Variants in FBXO8 observed in about 807,000 individuals in gnomAD.
The protein encoded by FBXO8 is F-box protein 8.
In FBXO8, 15 loss-of-function variants were observed where a neutral mutation model predicts 33.4. The ratio of observed to expected loss-of-function variants is 0.45; its 90% CI spans 0.30 to 0.69. The LOEUF (loss-of-function observed/expected upper bound fraction) is 0.69. Among genes scored for constraint, FBXO8 ranks in the 30% least tolerant of loss-of-function variants. The pLI is 0.08. For synonymous variants in FBXO8, 132 were observed against 131.5 expected (o/e 1.00, Z -0.02); for missense variants, 274 against 380.3 (o/e 0.72, Z 2.32).
intron 1 of FBXO8, among the ~76,000 whole-genome samples, chr4:174,268,583 C>G (rs1736752391): frequency 6.8e-6 from 1 of 146,160 alleles, no homozygotes; most frequent in Non-Finnish European, 1.5e-5. Context: ...CTACAGGCGC[C>G]TGCTACCACG....
At chr4:174,279,991 C>T (rs1354860700) in intron 1 of FBXO8, among the ~76,000 whole-genome samples, 4 of 151,856 alleles carry the variant, frequency 2.6e-5, no homozygotes, top group Non-Finnish European at 5.9e-5. Flanking sequence ...AACAGACCAA[C>T]TGAACATTAT....
rs1162062667 is a variant in FBXO8, at chr4:174,255,345, AATG to A, written c.456+4351_456+4353del. On this transcript the variant is annotated intron_variant, in intron 3 of 5. Coordinates refer to ENST00000393674, the MANE Select transcript of FBXO8 (RefSeq NM_012180.3). The surrounding 1 kb of genome is among the most constrained non-coding windows in gnomAD (Gnocchi z 4.3). The stretch of plus-strand genomic sequence containing the variant: ...TCTGAGATACTATTTTTAAGAACTG[AATG>A]TAAATTCCTGAAATGCTTTCTATAA... 1.3e-5 allele frequency among the ~76,000 whole-genome samples: 2 copies of A among 152,182 alleles called. No homozygotes were observed. Among genetic ancestry groups the A allele is most frequent in the Non-Finnish European group, 2.9e-5 (2 of 68,020 alleles).
At chr4:174,279,610 C>T (rs1737031529) in intron 1 of FBXO8, among the ~76,000 whole-genome samples, 1 of 151,994 alleles carries the variant, frequency 6.6e-6, no homozygotes, top group Non-Finnish European at 1.5e-5. Context: ...TATTACAAAG[C>T]TACAGTAACC....
rs113793234 is a variant in FBXO8, at chr4:174,280,057, A to G, written c.-9+3353T>C. ...ACAGTATCAACAGAGTAAAAAGGCAACCCACCGAATGAGAGAAAATATTTG... is the reference window on the plus strand; with the variant it reads ...ACAGTATCAACAGAGTAAAAAGGCAGCCCACCGAATGAGAGAAAATATTTG... On this transcript the variant is annotated intron_variant, in intron 1 of 5. Coordinates refer to ENST00000393674, the MANE Select transcript of FBXO8 (RefSeq NM_012180.3). 1.1e-3 allele frequency among the ~76,000 whole-genome samples: 170 copies of G among 152,162 alleles called. 1 individual carries two copies. Among genetic ancestry groups the G allele is most frequent in the African/African-American group, 4.0e-3 (167 of 41,526 alleles).
intron 4 of FBXO8, among the ~76,000 whole-genome samples, chr4:174,239,943 T>C (rs1169491801): frequency 6.6e-6 from 1 of 151,640 alleles, no homozygotes; most frequent in African/African-American, 2.4e-5. Flanking sequence ...CTTCTACCAA[T>C]TGCATATAAC....
At chr4:174,243,979 T>C (rs916199081) in intron 3 of FBXO8, among the ~76,000 whole-genome samples, 45 of 151,674 alleles carry the variant, frequency 3.0e-4, no homozygotes, top group African/African-American at 1.1e-3. Context: ...TTGAAGGCTG[T>C]AGAATTCATG....
chr4:174,240,879 T>C (rs1353458343), intron 4 of FBXO8, among the ~76,000 whole-genome samples: 1 of 151,722 alleles, frequency 6.6e-6, no homozygotes, highest in Non-Finnish European at 1.5e-5. Context: ...TTCCATTTTG[T>C]GTACATGTGG....
At position 174,267,881 on chromosome 4, in the gene FBXO8, C is replaced by A. The variant is rs1039364632; in HGVS notation, c.-8-4781G>T. ...CTGAATATGCAAAAAGTTTCAAATT[C>A]AAAAAAAATTCAACACAAAATAAGT... On this transcript the variant is annotated intron_variant, in intron 1 of 5. Transcript: ENST00000393674. This position sits in a 1 kb window ranked among gnomAD's most constrained non-coding sequence, Gnocchi z 4.7. Among the ~76,000 whole-genome samples, 5 of 151,662 alleles carry A rather than the reference C, an allele frequency of 3.3e-5. No individual in the cohort carries two copies. Among genetic ancestry groups the A allele is most frequent in the South Asian group, 2.1e-4 (1 of 4,814 alleles).
At chr4:174,266,505 G>A (rs897261023) in intron 1 of FBXO8, among the ~76,000 whole-genome samples, 2 of 152,136 alleles carry the variant, frequency 1.3e-5, no homozygotes, top group South Asian at 2.1e-4. Context: ...AGTCTGTAGC[G>A]TTCTGCCCCC....
chr4:174,249,105 C>T (rs1736229612), intron 3 of FBXO8, among the ~76,000 whole-genome samples: 2 of 152,026 alleles, frequency 1.3e-5, no homozygotes, highest in Admixed American at 1.3e-4. Flanking sequence ...AGAAAAAGAA[C>T]ATCTGTGAAT....
rs1004541900 is a variant in FBXO8, at chr4:174,245,085, T to G, written c.457-3867A>C. On this transcript the variant is annotated intron_variant, in intron 3 of 5. Coordinates refer to ENST00000393674, the MANE Select transcript of FBXO8 (RefSeq NM_012180.3). The surrounding 1 kb of genome is among the most constrained non-coding windows in gnomAD (Gnocchi z 4.6). The stretch of plus-strand genomic sequence containing the variant: ...TTTTTGAAACATATTAAACACAAGG[T>G]GTGATATGCAAGGTATTCAGTGATA... Among the ~76,000 whole-genome samples the G allele has an allele frequency of 4.0e-5, 6 of 151,824 alleles. No homozygotes were observed. The highest frequency in any genetic ancestry group is 1.4e-4 in the African/African-American group (6 of 41,396).
At position 174,251,839 on chromosome 4, in the gene FBXO8, A is replaced by C. The variant is rs1238562994; in HGVS notation, c.456+7860T>G. 6.6e-6 allele frequency among the ~76,000 whole-genome samples: 1 copy of C among 152,138 alleles called. No homozygotes were observed. Among genetic ancestry groups the C allele is most frequent in the Non-Finnish European group, 1.5e-5 (1 of 68,020 alleles). ...AGCATTTTAGCTCCTATGGGTAAAC[A>C]GTTCTTACAGAGGGGGGAGCTACTT... is the stretch of plus-strand genomic sequence containing the variant. On this transcript the variant is annotated intron_variant, in intron 3 of 5. Coordinates refer to ENST00000393674, the MANE Select transcript of FBXO8 (RefSeq NM_012180.3). The surrounding 1 kb of genome is among the most constrained non-coding windows in gnomAD (Gnocchi z 4.2).
At chr4:174,268,873 A>G (rs1736764946) in intron 1 of FBXO8, among the ~76,000 whole-genome samples, 1 of 152,252 alleles carries the variant, frequency 6.6e-6, no homozygotes, top group African/African-American at 2.4e-5. Flanking sequence ...TTCAGCTGCG[A>G]ATGTGCACCT....
rs745861110 is a variant in FBXO8 at position 174,259,829 on chromosome 4, T to C, written c.330-4A>G. 1.9e-5 allele frequency: 30 copies of C among 1,572,090 alleles called. No individual in the cohort carries two copies. Among genetic ancestry groups the C allele is most frequent in the African/African-American group, 1.4e-5 (1 of 72,192 alleles). On this transcript the variant is annotated splice_region_variant and splice_polypyrimidine_tract_variant and intron_variant, in intron 2 of 5. Transcript: ENST00000393674. The surrounding 1 kb of genome is among the most constrained non-coding windows in gnomAD (Gnocchi z 4.3). ...ACCCCAAGTGGATTTGCACAACCTA[T>C]AAAATCAGAGAAAATGAGACAAGAA... is the stretch of plus-strand genomic sequence containing the variant.
chr4:174,259,072 A>G lies in FBXO8; in HGVS notation c.456+627T>C, dbSNP rs896239272. 2.0e-5 allele frequency among the ~76,000 whole-genome samples: 3 copies of G among 151,944 alleles called. No homozygotes were observed. Among genetic ancestry groups the G allele is most frequent in the Non-Finnish European group, 4.4e-5 (3 of 67,888 alleles). ...CTGAAAATCTGAACTTTTCCATGAC[A>G]TAGTAAAATAAGAATAGAGAAAAAA... On this transcript the variant is annotated intron_variant, in intron 3 of 5. Coordinates refer to ENST00000393674, the MANE Select transcript of FBXO8 (RefSeq NM_012180.3). The surrounding 1 kb of genome is among the most constrained non-coding windows in gnomAD (Gnocchi z 4.3).
In FBXO8 at chr4:174,239,075, G is replaced by A. The variant is rs767614332; in HGVS notation, c.691C>T (p.Leu231Phe). Reference sequence around the variant, plus strand: ...GAGAACTTTGTTATAAGAGTTTCAAGATACTCTCCACGCTCTTCAGGGGCA... The same window carrying A: ...GAGAACTTTGTTATAAGAGTTTCAAAATACTCTCCACGCTCTTCAGGGGCA... ...IHAPEERGEY[L>F]ETLITKFSHR... Residue 231 changes from leucine (L) to phenylalanine (F), a missense_variant, in exon 5 of 6, where the codon CTT (leucine) becomes TTT (phenylalanine). Physicochemically the swap from Leu to Phe is conservative, Grantham distance 22. Transcript: ENST00000393674. The A allele has an allele frequency of 6.2e-7, 1 of 1,607,892 alleles. No individual in the cohort carries two copies.
rs1169243713 is a variant in FBXO8, at chr4:174,237,013, ATAAT to A, written c.*395_*398del. ...CTTTAGTTAAAATCTTTACAATAAAATAATTATGACTATAAATCTCTTTAGTTAA... is the reference window on the plus strand; with the variant it reads ...CTTTAGTTAAAATCTTTACAATAAAATATGACTATAAATCTCTTTAGTTAA... On this transcript the variant is annotated 3_prime_UTR_variant, in exon 6 of 6. Coordinates refer to ENST00000393674, the MANE Select transcript of FBXO8 (RefSeq NM_012180.3). This position sits in a 1 kb window ranked among gnomAD's most constrained non-coding sequence, Gnocchi z 4.4. 3.9e-5 allele frequency: 6 copies of A among 153,910 alleles called. No homozygotes were observed. Among genetic ancestry groups the A allele is most frequent in the Non-Finnish European group, 8.7e-5 (6 of 69,000 alleles). The allele number at this position is 153,910 out of a possible 1,614,324, so 9.5% of individuals were successfully genotyped here. A position where few individuals can be genotyped will look rare whatever the true frequency, so the allele number is the denominator to read the frequency against.
chr4:174,256,807 T>C lies in FBXO8; in HGVS notation c.456+2892A>G, dbSNP rs933086848. On this transcript the variant is annotated intron_variant, in intron 3 of 5. Transcript: ENST00000393674. The surrounding 1 kb of genome is among the most constrained non-coding windows in gnomAD (Gnocchi z 4.6). The stretch of plus-strand genomic sequence containing the variant: ...CAGAATTTTGGAACCTCAAGACACA[T>C]TGAGTGGCTCAGCTCTATGCCTCCT... Among the ~76,000 whole-genome samples the C allele has an allele frequency of 1.2e-4, 18 of 152,082 alleles. No individual in the cohort carries two copies. The highest frequency in any genetic ancestry group is 1.9e-4 in the Non-Finnish European group (13 of 68,026).
At position 174,239,722 on chromosome 4, in the gene FBXO8, CTAATT is replaced by C. The variant is rs965577305; in HGVS notation, c.576-537_576-533del. On this transcript the variant is annotated intron_variant, in intron 4 of 5. Coordinates refer to ENST00000393674, the MANE Select transcript of FBXO8 (RefSeq NM_012180.3). Reference sequence around the variant, plus strand: ...TGTATATCTTTATACCTAGATCCACCTAATTTATTTTTAATGGCACAGTATCCTGT... The same window carrying C: ...TGTATATCTTTATACCTAGATCCACCTATTTTTAATGGCACAGTATCCTGT... 1.3e-5 allele frequency among the ~76,000 whole-genome samples: 2 copies of C among 151,530 alleles called. 1 individual carries two copies. Among genetic ancestry groups the C allele is most frequent in the African/African-American group, 4.8e-5 (2 of 41,290 alleles).
Sources: gnomAD v4.1 joint callset for allele counts (sites outside exome capture counted in the v4.1 genomes callset) on GRCh38, gnomAD v4.1.1 for gene constraint, Gnocchi (gnomAD v3.1) non-coding constraint, MANE v1.5 for transcripts, NCBI Gene and HGNC (gene_info 2026-07-23, HGNC 2026-07-21) for gene names.